The following FAM200B variants were observed in gnomAD, a reference collection of about 807,000 sequenced individuals.
The protein encoded by FAM200B is protein FAM200B.
A neutral mutation model predicts 33.1 loss-of-function variants in FAM200B; 32 were observed. The ratio of observed to expected loss-of-function variants is 0.97; its 90% CI spans 0.73 to 1.30. FAM200B has a LOEUF of 1.30. Among genes scored for constraint, FAM200B ranks in the 50% most tolerant of loss-of-function variants. The pLI, the probability that FAM200B is intolerant of heterozygous loss-of-function variation, is 0.00. For synonymous variants in FAM200B, 240 were observed against 264.8 expected (o/e 0.91, Z 0.91); for missense variants, 741 against 754.0 (o/e 0.98, Z 0.20).
At chr4:15,662,470 T>A in the FAM200B span, among the ~76,000 whole-genome samples, 1 of 152,206 alleles carries the variant, frequency 6.6e-6, no homozygotes, top group Non-Finnish European at 1.5e-5. Context: ...GTACCTGGCA[T>A]ATTAAGCATT....
intron 1 of FAM200B, among the ~76,000 whole-genome samples, chr4:15,683,811 TACTG>T (rs1718576689): frequency 1.3e-5 from 2 of 152,358 alleles, no homozygotes; most frequent in African/African-American, 2.4e-5. Flanking sequence ...ACTTATTTGT[TACTG>T]ACTGTGATAA....
the FAM200B span, among the ~76,000 whole-genome samples, chr4:15,654,006 A>C: frequency 3.3e-5 from 5 of 152,238 alleles, no homozygotes; most frequent in Non-Finnish European, 7.3e-5. Flanking sequence ...GGGTGTTTCT[A>C]AATTTTCAGA....
At chr4:15,654,100 A>C in the FAM200B span, among the ~76,000 whole-genome samples, 2 of 152,194 alleles carry the variant, frequency 1.3e-5, no homozygotes, top group East Asian at 3.8e-4. Flanking sequence ...GTGGCCTAAC[A>C]GTGAATACCC....
the FAM200B span, among the ~76,000 whole-genome samples, chr4:15,664,096 C>T: frequency 6.6e-6 from 1 of 152,190 alleles, no homozygotes; most frequent in African/African-American, 2.4e-5. Flanking sequence ...AGTCTGGCTT[C>T]AGAGCTTCTA....
At position 15,688,552 on chromosome 4, in the gene FAM200B, A is replaced by G; in HGVS notation, c.1575A>G (p.Glu525=). 1 of 1,549,184 alleles carries G rather than the reference A, an allele frequency of 6.5e-7. No homozygotes were observed. Among genetic ancestry groups the G allele is most frequent in the East Asian group, 2.4e-5 (1 of 40,840 alleles). ...LSQTFNHFFP[E]EKFETLRENS... ...AAACTTTTAACCATTTCTTTCCAGAAGAAAAATTTGAAACATTAAGGGAAA... is the reference window on the plus strand; with the variant it reads ...AAACTTTTAACCATTTCTTTCCAGAGGAAAAATTTGAAACATTAAGGGAAA... The change falls in exon 2 of 2, where the codon GAA becomes GAG. Residue 525 remains glutamate, a synonymous_variant. Coordinates refer to ENST00000422728, the MANE Select transcript of FAM200B (RefSeq NM_001145191.2).
chr4:15,678,762 T>C (rs541078954), upstream of FAM200B, among the ~76,000 whole-genome samples: 3 of 152,292 alleles, frequency 2.0e-5, no homozygotes, highest in African/African-American at 7.2e-5. Flanking sequence ...TACAGAAAAA[T>C]ATTTATAAGG....
chr4:15,690,425 T>G lies in FAM200B; in HGVS notation c.*1474T>G, dbSNP rs1490784485. The stretch of plus-strand genomic sequence containing the variant: ...TGATTTTTTCTTTTTTTTTAATGCT[T>G]GAAATAAAGTGTTGAAAAACAATTC... On this transcript the variant is annotated 3_prime_UTR_variant, in exon 2 of 2. Coordinates refer to ENST00000422728, the MANE Select transcript of FAM200B (RefSeq NM_001145191.2). 1 of 164,130 alleles carries G rather than the reference T, an allele frequency of 6.1e-6. No individual in the cohort carries two copies. The highest frequency in any genetic ancestry group is 1.5e-5 in the Non-Finnish European group (1 of 68,090). The allele number at this position is 164,130 out of a possible 1,614,324, so 10.2% of individuals were successfully genotyped here.
chr4:15,645,577 GC>G, the FAM200B span, among the ~76,000 whole-genome samples: 1 of 151,964 alleles, frequency 6.6e-6, no homozygotes, highest in Admixed American at 6.6e-5. Context: ...ACAGGTGCTC[GC>G]CACCACGCCC....
At chr4:15,678,994 T>C (rs1718096557), upstream of FAM200B, among the ~76,000 whole-genome samples, 1 of 151,842 alleles carries the variant, frequency 6.6e-6, no homozygotes, top group Non-Finnish European at 1.5e-5. Context: ...ACATTGATAA[T>C]AGTCTCTGTC....
At chr4:15,668,833 TC>T in the FAM200B span, among the ~76,000 whole-genome samples, 4 of 152,238 alleles carry the variant, frequency 2.6e-5, no homozygotes, top group African/African-American at 9.6e-5. Context: ...TCACATATTT[TC>T]TTCTAACATG....
In FAM200B at chr4:15,688,049, G is replaced by C. The variant is rs748404651; in HGVS notation, c.1072G>C (p.Gly358Arg). 78 of 1,551,028 alleles carry C rather than the reference G, an allele frequency of 5.0e-5. No homozygotes were observed. The Middle Eastern group carries it at 6.7e-4, about 13-fold the overall frequency. ...AGTGAAAGTTGTTAATTTTATTAAA[G>C]GAAGCTCATTGAATAGCCGGCTTCT... is the stretch of plus-strand genomic sequence containing the variant. ...NAVKVVNFIK[G>R]SSLNSRLLET... The change falls in exon 2 of 2, where the codon GGA becomes CGA. Residue 358 changes from glycine (G) to arginine (R), a missense_variant. By Grantham distance (125) the Gly-to-Arg change is moderately radical. Transcript: ENST00000422728.
At chr4:15,684,050 C>G (rs1286275416) in intron 1 of FAM200B, among the ~76,000 whole-genome samples, 1 of 152,164 alleles carries the variant, frequency 6.6e-6, no homozygotes, top group East Asian at 1.9e-4. Flanking sequence ...AATTGCAATT[C>G]TTAAGGGAGG....
the FAM200B span, among the ~76,000 whole-genome samples, chr4:15,662,196 C>T: frequency 6.6e-6 from 1 of 152,136 alleles, no homozygotes; most frequent in Non-Finnish European, 1.5e-5. Flanking sequence ...TAATTGAGGG[C>T]CATCTTTGAA....
chr4:15,657,425 A>G, the FAM200B span, among the ~76,000 whole-genome samples: 43,854 of 152,136 alleles, frequency 0.29, 6,655 homozygotes, highest in East Asian at 0.48. Flanking sequence ...GTCTTGTCCA[A>G]TCAACTGTTT....
chr4:15,664,956 A>G, the FAM200B span, among the ~76,000 whole-genome samples: 1 of 152,196 alleles, frequency 6.6e-6, no homozygotes, highest in South Asian at 2.1e-4. Flanking sequence ...TGATTCATTA[A>G]GTTTAAGGTT....
the FAM200B span, chr4:15,638,739 T>C: frequency 9.0e-6 from 11 of 1,228,702 alleles, no homozygotes; most frequent in South Asian, 2.7e-5. Context: ...TTCATTCGTG[T>C]TGATTTACTC....
the FAM200B span, among the ~76,000 whole-genome samples, chr4:15,641,101 A>G: frequency 6.6e-6 from 1 of 152,122 alleles, no homozygotes; most frequent in Non-Finnish European, 1.5e-5. Context: ...AAAATATCAT[A>G]AAAAGTCTAA....
At chr4:15,648,045 CG>C in the FAM200B span, among the ~76,000 whole-genome samples, 25 of 152,014 alleles carry the variant, frequency 1.6e-4, no homozygotes, top group African/African-American at 6.0e-4. Flanking sequence ...TTTTTAGAGA[CG>C]GGGTCTCACT....
At chr4:15,683,822 A>AT (rs1258244140) in intron 1 of FAM200B, among the ~76,000 whole-genome samples, 1 of 152,222 alleles carries the variant, frequency 6.6e-6, no homozygotes, top group Non-Finnish European at 1.5e-5. Flanking sequence ...ACTGACTGTG[A>AT]TAAAAATAGA....
Sources: allele counts gnomAD v4.1 joint callset (sites outside exome capture counted in the v4.1 genomes callset), GRCh38; gene constraint gnomAD v4.1.1; transcripts MANE v1.5; gene names NCBI Gene and HGNC (gene_info 2026-07-23, HGNC 2026-07-21).